The following LGMN variants were observed in gnomAD, a reference collection of about 807,000 sequenced individuals.
The protein encoded by LGMN is asparaginyl endopeptidase.
Under a neutral mutation model 56.8 loss-of-function variants are expected in LGMN, and 36 were observed. The observed-to-expected ratio is 0.63, with a 90% CI of 0.49 to 0.84. The LOEUF (loss-of-function observed/expected upper bound fraction) is 0.84. Ranked by LOEUF, LGMN falls within the 40% of genes least tolerant of loss-of-function variation. The pLI is 0.00. For synonymous variants in LGMN, 199 were observed against 210.1 expected, an observed-to-expected ratio of 0.95 and a Z score of 0.46; for missense variants, 446 against 556.1, an observed-to-expected ratio of 0.80 and a Z score of 1.99.
intron 2 of LGMN, among the ~76,000 whole-genome samples, chr14:92,730,300 C>T (rs1329625251): frequency 6.6e-6 from 1 of 152,122 alleles, no homozygotes; most frequent in East Asian, 1.9e-4. Flanking sequence ...GCCAAATTTC[C>T]TATTCGGCTA....
intron 12 of LGMN, 40 bp from the exon 13 acceptor site, chr14:92,704,747 T>C (rs1324185375): frequency 6.6e-7 from 1 of 1,510,988 alleles, no homozygotes; most frequent in South Asian, 1.1e-5. Context: ...CTTCCTCATC[T>C]CACCACACAA....
intron 2 of LGMN, among the ~76,000 whole-genome samples, chr14:92,725,526 A>C (rs190505268): frequency 4.6e-5 from 7 of 152,316 alleles, no homozygotes; most frequent in Admixed American, 3.9e-4. Flanking sequence ...CCTAAGTGAC[A>C]GAATAAGACC....
intron 2 of LGMN, among the ~76,000 whole-genome samples, chr14:92,730,102 A>T (rs1890971761): frequency 6.6e-6 from 1 of 152,252 alleles, no homozygotes; most frequent in African/African-American, 2.4e-5. Flanking sequence ...GTTGATGAGT[A>T]ATCGTGTTAA....
chr14:92,708,719 T>C (rs988879639), intron 11 of LGMN, among the ~76,000 whole-genome samples: 16 of 151,804 alleles, frequency 1.1e-4, no homozygotes, highest in African/African-American at 3.9e-4. Flanking sequence ...AACTGGGGCA[T>C]GGTGGCACAT....
At position 92,711,646 on chromosome 14, in the gene LGMN, GCT is replaced by G; in HGVS notation, c.819+11_819+12del. On this transcript the variant is annotated intron_variant, in intron 10 of 13. Coordinates refer to ENST00000334869, the MANE Select transcript of LGMN (RefSeq NM_005606.7). ...AAGGAACAGAGGGCCAGCACGCGAG[GCT>G]CCCGACTCACTTTGTTTCCATACTG... The G allele has an allele frequency of 1.9e-6, 3 of 1,612,056 alleles. No individual in the cohort carries two copies. Among genetic ancestry groups the G allele is most frequent in the Middle Eastern group, 1.7e-4 (1 of 6,058 alleles).
chr14:92,745,882 C>T (rs1404852285), intron 1 of LGMN, among the ~76,000 whole-genome samples: 1 of 151,792 alleles, frequency 6.6e-6, no homozygotes, highest in Non-Finnish European at 1.5e-5. Flanking sequence ...AGTGCAGTGG[C>T]GCCATCTCGG....
In LGMN at chr14:92,704,691, C is replaced by T. The variant is rs762529220; in HGVS notation, c.1208G>A (p.Arg403Lys). 9 of 1,613,458 alleles carry T rather than the reference C, an allele frequency of 5.6e-6. No homozygotes were observed. The highest frequency in any genetic ancestry group is 3.3e-5 in the South Asian group (3 of 91,066). ...AAGGTTGACCAGCACGTACAAATGT[C>T]TCAACGCATACTCGTACTGGGAGAA... ...WHSPTYEYAL[R>K]HLYVLVNLCE... The change falls in exon 13 of 14, where the codon AGA becomes AAA. Residue 403 changes from arginine to lysine, a missense_variant. Transcript: ENST00000334869.
intron 2 of LGMN, among the ~76,000 whole-genome samples, chr14:92,721,835 C>T (rs564570174): frequency 1.3e-5 from 2 of 152,258 alleles, no homozygotes; most frequent in South Asian, 4.1e-4. Context: ...GTGATGGGTA[C>T]CCAAGAAGTG....
rs181683862 is a variant in LGMN at position 92,710,448 on chromosome 14, G to A, written c.820-576C>T. ...AGGGCAGAGCTAAGGCCACAGAGAGGCCAGGCTGATGCTTGGCATCAAGAG... is the reference window on the plus strand; with the variant it reads ...AGGGCAGAGCTAAGGCCACAGAGAGACCAGGCTGATGCTTGGCATCAAGAG... On this transcript the variant is annotated intron_variant, in intron 10 of 13. Coordinates refer to ENST00000334869, the MANE Select transcript of LGMN (RefSeq NM_005606.7). Among the ~76,000 whole-genome samples, 31 of 152,340 alleles carry A rather than the reference G, an allele frequency of 2.0e-4. 1 individual carries two copies. The East Asian group carries it at 5.6e-3, about 28-fold the overall frequency.
chr14:92,736,270 T>G (rs1388542655), intron 1 of LGMN, among the ~76,000 whole-genome samples: 1 of 152,142 alleles, frequency 6.6e-6, no homozygotes, highest in Non-Finnish European at 1.5e-5. Context: ...AGAACTGCTG[T>G]CTTTCACAAG....
chr14:92,734,564 C>T (rs529052612), intron 1 of LGMN, among the ~76,000 whole-genome samples: 32 of 151,670 alleles, frequency 2.1e-4, no homozygotes, highest in African/African-American at 6.1e-4. Flanking sequence ...CACTTGAATC[C>T]GGGAGGTGAA....
intron 11 of LGMN, among the ~76,000 whole-genome samples, chr14:92,708,400 C>G (rs1036640948): frequency 2.6e-5 from 4 of 151,996 alleles, no homozygotes; most frequent in Non-Finnish European, 4.4e-5. Context: ...GAGTTTGAGA[C>G]CAGCCTGGGC....
chr14:92,704,568 A>G, intron 13 of LGMN, 72 bp downstream of exon 13: 1 of 1,335,690 alleles, frequency 7.5e-7, no homozygotes, highest in Non-Finnish European at 1.1e-6. Flanking sequence ...GCCCACTTGC[A>G]GAAGAGGATG....
Position 92,718,697 on chromosome 14 carries a change from TA to T in LGMN, c.236+49del, listed in dbSNP as rs746892686. On this transcript the variant is annotated intron_variant, in intron 3 of 13. Transcript: ENST00000334869. ...CCTGTGAGTCTATGTGACCTTTTTT[TA>T]AATACCCTGAAGTCCTTCCCCACCA... 11 of 1,267,038 alleles carry T rather than the reference TA, an allele frequency of 8.7e-6. No individual in the cohort carries two copies. In the South Asian group the frequency reaches 1.2e-4, roughly 14 times the overall value. 78.5% of individuals were successfully genotyped at this position (1,267,038 alleles called of 1,614,324 possible).
chr14:92,707,925 G>T (rs1595525452), intron 11 of LGMN, among the ~76,000 whole-genome samples: 1 of 152,180 alleles, frequency 6.6e-6, no homozygotes, highest in East Asian at 1.9e-4. Flanking sequence ...GCTGATGCAG[G>T]TGGATCACTT....
At chr14:92,740,656 C>T (rs1346820397) in intron 1 of LGMN, among the ~76,000 whole-genome samples, 1 of 152,236 alleles carries the variant, frequency 6.6e-6, no homozygotes, top group Non-Finnish European at 1.5e-5. Context: ...GGCAGTAGGA[C>T]ACCCACGGTG....
chr14:92,721,361 C>T (rs547065051), intron 2 of LGMN, among the ~76,000 whole-genome samples: 39 of 152,260 alleles, frequency 2.6e-4, no homozygotes, highest in East Asian at 1.2e-3. Context: ...CTGGAAAAGA[C>T]GAGAAAGTGG....
chr14:92,709,645 G>A (rs1889638507), intron 11 of LGMN, 27 bp downstream of exon 11: 1 of 1,601,788 alleles, frequency 6.2e-7, no homozygotes, highest in Non-Finnish European at 8.5e-7. Flanking sequence ...ACAGCACCTG[G>A]GCACAGCTCC....
intron 1 of LGMN, chr14:92,742,944 G>A (rs776383056): frequency 2.0e-5 from 3 of 151,766 alleles, no homozygotes; most frequent in African/African-American, 4.8e-5. Flanking sequence ...TGAGCGGGGA[G>A]GATCACTTGA....
Sources: allele counts gnomAD v4.1 joint callset (sites outside exome capture counted in the v4.1 genomes callset), GRCh38; gene constraint gnomAD v4.1.1; transcripts MANE v1.5; gene names NCBI Gene and HGNC (gene_info 2026-07-23, HGNC 2026-07-21).